SAXO5: variants seen among roughly 807,000 people sequenced by gnomAD.
SAXO5 encodes the protein testis expressed 45.
At chr19:7,501,251 G>A in the SAXO5 span, 2 of 1,566,336 alleles carry the variant, frequency 1.3e-6, no homozygotes, top group Non-Finnish European at 1.7e-6. Flanking sequence ...GCACCCGAGA[G>A]CGGATCCGCG....
chr19:7,499,628 G>A, the SAXO5 span: 1 of 152,682 alleles, frequency 6.5e-6, no homozygotes, highest in South Asian at 2.1e-4. Flanking sequence ...CAAATCTCAA[G>A]CAAATGACCA....
At chr19:7,504,339 G>A in the SAXO5 span, 2 of 1,614,220 alleles carry the variant, frequency 1.2e-6, no homozygotes, top group Middle Eastern at 3.3e-4. Flanking sequence ...CTGGGAGACT[G>A]CAAGATCAGC....
chr19:7,504,448 C>T, the SAXO5 span: 2 of 1,549,502 alleles, frequency 1.3e-6, no homozygotes, highest in Non-Finnish European at 1.8e-6. Flanking sequence ...TGGCTCATGC[C>T]TGTAATCCCA....
At chr19:7,505,528 C>A in the SAXO5 span, 1 of 1,614,204 alleles carries the variant, frequency 6.2e-7, no homozygotes, top group Non-Finnish European at 8.5e-7. Context: ...GCCTTTTGTT[C>A]TTCACCACGA....
the SAXO5 span, among the ~76,000 whole-genome samples, chr19:7,497,956 G>C: frequency 6.6e-6 from 1 of 152,034 alleles, no homozygotes; most frequent in African/African-American, 2.4e-5. Flanking sequence ...TTCGAGACCA[G>C]GCTGGCCAAC....
At chr19:7,505,928 G>C in the SAXO5 span, 1 of 1,533,132 alleles carries the variant, frequency 6.5e-7, no homozygotes, top group Non-Finnish European at 8.8e-7. Flanking sequence ...GGACCTCTCG[G>C]ACGCCGGAGC....
chr19:7,500,996 C>A, the SAXO5 span: 1 of 1,532,444 alleles, frequency 6.5e-7, no homozygotes, highest in South Asian at 1.2e-5. Flanking sequence ...AGCCGCCGAG[C>A]CTGCAGCCGC....
At chr19:7,500,853 C>G in the SAXO5 span, 8 of 1,536,412 alleles carry the variant, frequency 5.2e-6, no homozygotes, top group Non-Finnish European at 7.0e-6. Flanking sequence ...GCCGTGCTCG[C>G]GCCCGTGCCC....
At chr19:7,506,476 G>A in the SAXO5 span, 1 of 439,626 alleles carries the variant, frequency 2.3e-6, no homozygotes, top group Admixed American at 3.4e-5. Context: ...CATCCTTCTG[G>A]ACACGGCCCT....
At chr19:7,502,708 C>T in the SAXO5 span, among the ~76,000 whole-genome samples, 1 of 152,120 alleles carries the variant, frequency 6.6e-6, no homozygotes, top group Non-Finnish European at 1.5e-5. Flanking sequence ...GCCTTACCAC[C>T]TTAGTAGCTG....
At chr19:7,505,174 G>C in the SAXO5 span, 1 of 701,604 alleles carries the variant, frequency 1.4e-6, no homozygotes, top group South Asian at 1.6e-5. Flanking sequence ...GTAGAGATGG[G>C]GTTTCACCAT....
chr19:7,500,969 C>A, the SAXO5 span: 2 of 1,556,318 alleles, frequency 1.3e-6, no homozygotes, highest in Non-Finnish European at 1.7e-6. Flanking sequence ...ACTTTGCCTA[C>A]CCGGCTGCCA....
At chr19:7,501,535 G>T in the SAXO5 span, 7 of 1,063,182 alleles carry the variant, frequency 6.6e-6, no homozygotes, top group African/African-American at 6.8e-5. Flanking sequence ...CAGGACTTGG[G>T]GGGTGGCCGG....
chr19:7,505,441 G>A, the SAXO5 span: 15 of 1,613,930 alleles, frequency 9.3e-6, no homozygotes, highest in African/African-American at 1.3e-5. Context: ...AGCCAGGTGA[G>A]AGCCTGAGGC....
At chr19:7,504,397 T>A in the SAXO5 span, 2 of 1,613,946 alleles carry the variant, frequency 1.2e-6, no homozygotes, top group Non-Finnish European at 1.7e-6. Flanking sequence ...GGCCCCAGGA[T>A]CTGCCTGAAG....
chr19:7,501,458 G>A, the SAXO5 span: 3 of 1,399,552 alleles, frequency 2.1e-6, no homozygotes, highest in African/African-American at 1.5e-5. Flanking sequence ...CTCAAACAGG[G>A]GCAAGGGCTC....
the SAXO5 span, chr19:7,507,240 G>C: frequency 9.3e-7 from 1 of 1,074,314 alleles, no homozygotes; most frequent in South Asian, 1.3e-5. Context: ...CTCAGAGTTA[G>C]TGATCACCCA....
the SAXO5 span, chr19:7,505,382 G>A: frequency 6.2e-7 from 1 of 1,614,222 alleles, no homozygotes; most frequent in Non-Finnish European, 8.5e-7. Context: ...TCCTGGTGAC[G>A]GCCTCTTCCG....
At chr19:7,506,515 C>G in the SAXO5 span, 2 of 389,662 alleles carry the variant, frequency 5.1e-6, no homozygotes, top group South Asian at 4.2e-5. Context: ...CTTATCCAGT[C>G]TTAACTCCTC....
Sources: allele counts gnomAD v4.1 joint callset (sites outside exome capture counted in the v4.1 genomes callset), GRCh38; gene constraint gnomAD v4.1.1; transcripts MANE v1.5; gene names NCBI Gene and HGNC (gene_info 2026-07-23, HGNC 2026-07-21).